The following NTM variants were observed in gnomAD, a reference collection of about 807,000 sequenced individuals.
The protein encoded by NTM is IgLON family member 2.
In NTM, 13 loss-of-function variants were observed where a neutral mutation model predicts 42.1. The observed-to-expected ratio is 0.31, with a 90% CI of 0.20 to 0.49. NTM has a LOEUF of 0.49. Among genes scored for constraint, NTM ranks in the 20% least tolerant of loss-of-function variants. NTM has a pLI of 0.99. For synonymous variants in NTM, 187 were observed against 179.2 expected, an observed-to-expected ratio of 1.04 and a Z score of -0.35; for missense variants, 373 against 452.8, an observed-to-expected ratio of 0.82 and a Z score of 1.60.
At chr11:132,298,783 T>C (rs2094722287) in intron 4 of NTM, among the ~76,000 whole-genome samples, 1 of 152,216 alleles carries the variant, frequency 6.6e-6, no homozygotes, top group African/African-American at 2.4e-5. Context: ...TAGCTATGCA[T>C]ATTCAACCAT....
intron 1 of NTM, chr11:131,661,344 T>C (rs956564782): frequency 5.8e-6 from 1 of 172,688 alleles, no homozygotes; most frequent in Admixed American, 5.7e-5. Context: ...TAGGGAAAAG[T>C]GTTCTGGAGA....
chr11:131,903,297 T>C (rs1452301526), intron 1 of NTM, among the ~76,000 whole-genome samples: 1 of 152,268 alleles, frequency 6.6e-6, no homozygotes, highest in Non-Finnish European at 1.5e-5. Context: ...TGTATCTAGA[T>C]AGCCATGTCC....
At chr11:132,318,841 A>G (rs906035103) in intron 7 of NTM, among the ~76,000 whole-genome samples, 1 of 152,146 alleles carries the variant, frequency 6.6e-6, no homozygotes, top group Non-Finnish European at 1.5e-5. Context: ...GGATGGCTGT[A>G]GACTTTGGAG....
chr11:132,309,540 G>A (rs1591906852), intron 5 of NTM, among the ~76,000 whole-genome samples: 1 of 152,242 alleles, frequency 6.6e-6, no homozygotes, highest in East Asian at 1.9e-4. Flanking sequence ...TCCTATGAAA[G>A]TTAAAAAGTT....
intron 7 of NTM, among the ~76,000 whole-genome samples, chr11:132,323,751 G>C (rs2095620654): frequency 6.6e-6 from 1 of 152,102 alleles, no homozygotes; most frequent in East Asian, 1.9e-4. Flanking sequence ...CAATATCCTT[G>C]ATGAACATTG....
rs565515359 is a variant in NTM at position 131,826,261 on chromosome 11, C to T, written c.83-85303C>T. Among the ~76,000 whole-genome samples the T allele has an allele frequency of 1.4e-4, 22 of 152,124 alleles. No individual in the cohort carries two copies. The South Asian group carries it at 4.4e-3, about 30-fold the overall frequency. The stretch of plus-strand genomic sequence containing the variant: ...GAGGAGGGAGTTGCCCACTAGATTC[C>T]ATGACATGAAGACGAATGAAGCCTT... On this transcript the variant is annotated intron_variant, in intron 1 of 8. Coordinates refer to ENST00000683400, the MANE Select transcript of NTM (RefSeq NM_001352005.2).
intron 1 of NTM, among the ~76,000 whole-genome samples, chr11:131,792,456 A>T (rs1234679000): frequency 6.6e-6 from 1 of 152,108 alleles, no homozygotes; most frequent in East Asian, 1.9e-4. Flanking sequence ...GCCGGGTTGG[A>T]TTTAAGCTGG....
At chr11:132,196,168 C>T (rs2080172064) in intron 3 of NTM, among the ~76,000 whole-genome samples, 1 of 152,110 alleles carries the variant, frequency 6.6e-6, no homozygotes, top group African/African-American at 2.4e-5. Flanking sequence ...ACAAGACATA[C>T]ATGTGGCTAA....
At chr11:131,944,330 G>A (rs957007094) in intron 2 of NTM, among the ~76,000 whole-genome samples, 10 of 152,288 alleles carry the variant, frequency 6.6e-5, no homozygotes, top group South Asian at 2.1e-4. Context: ...AGACAGCGGC[G>A]CTGATTAGTG....
chr11:131,708,158 G>C (rs1460263382), intron 1 of NTM, among the ~76,000 whole-genome samples: 1 of 152,064 alleles, frequency 6.6e-6, no homozygotes. Flanking sequence ...AACAATCAAT[G>C]TGGGTAAATA....
chr11:131,515,989 A>G (rs1401760000), intron 1 of NTM, among the ~76,000 whole-genome samples: 1 of 152,194 alleles, frequency 6.6e-6, no homozygotes, highest in Non-Finnish European at 1.5e-5. Context: ...AGAAAATATA[A>G]ACAACTTGCT....
chr11:132,108,075 G>A (rs1009931039), intron 2 of NTM, among the ~76,000 whole-genome samples: 13 of 152,116 alleles, frequency 8.5e-5, no homozygotes, highest in African/African-American at 1.9e-4. Context: ...CACCTTCCAC[G>A]TTGTTGCTCA....
intron 1 of NTM, among the ~76,000 whole-genome samples, chr11:131,541,528 A>G (rs1243074271): frequency 6.6e-6 from 1 of 152,196 alleles, no homozygotes; most frequent in African/African-American, 2.4e-5. Flanking sequence ...ATGTAAAGTC[A>G]GTCAATTTTG....
intron 1 of NTM, among the ~76,000 whole-genome samples, chr11:131,693,009 T>C (rs1037262717): frequency 6.6e-6 from 1 of 150,444 alleles, no homozygotes; most frequent in East Asian, 2.0e-4. Flanking sequence ...ATAGTAGTAA[T>C]GGCAGAGCAG....
At position 132,166,400 on chromosome 11, in the gene NTM, G is replaced by A. The variant is rs184844220; in HGVS notation, c.400+19886G>A. Among the ~76,000 whole-genome samples, 300 of 152,158 alleles carry A rather than the reference G, an allele frequency of 2.0e-3. 1 individual carries two copies. Among genetic ancestry groups the A allele is most frequent in the African/African-American group, 6.4e-3 (267 of 41,516 alleles). ...GTATGAATTAACCACAACACTGTTTGGCACCCAGGATTTCAGGATTCTAAA... is the reference window on the plus strand; with the variant it reads ...GTATGAATTAACCACAACACTGTTTAGCACCCAGGATTTCAGGATTCTAAA... On this transcript the variant is annotated intron_variant, in intron 3 of 8. Transcript: ENST00000683400.
chr11:132,007,958 CAAAGA>C (rs2071188946), intron 2 of NTM, among the ~76,000 whole-genome samples: 1 of 151,930 alleles, frequency 6.6e-6, no homozygotes, highest in Non-Finnish European at 1.5e-5. Flanking sequence ...TAAGGGAGGT[CAAAGA>C]AGGGAAGGGC....
At chr11:131,576,747 C>G (rs891261913) in intron 1 of NTM, among the ~76,000 whole-genome samples, 1 of 152,174 alleles carries the variant, frequency 6.6e-6, no homozygotes, top group African/African-American at 2.4e-5. Context: ...AAGATGATCC[C>G]TGACGTAAAT....
intron 1 of NTM, among the ~76,000 whole-genome samples, chr11:131,906,194 T>G (rs944363071): frequency 6.6e-6 from 1 of 152,164 alleles, no homozygotes; most frequent in Non-Finnish European, 1.5e-5. Flanking sequence ...CCAAATAATG[T>G]GACACCCAAA....
chr11:131,910,498 G>A (rs2054605922), intron 1 of NTM, among the ~76,000 whole-genome samples: 1 of 151,476 alleles, frequency 6.6e-6, no homozygotes, highest in African/African-American at 2.4e-5. Context: ...GCCGGGATGA[G>A]AGCGCAGTCC....
Sources: allele counts gnomAD v4.1 joint callset (sites outside exome capture counted in the v4.1 genomes callset), GRCh38; gene constraint gnomAD v4.1.1; transcripts MANE v1.5; gene names NCBI Gene and HGNC (gene_info 2026-07-23, HGNC 2026-07-21).